The following STEAP3 variants were observed in gnomAD, a reference collection of about 807,000 sequenced individuals.
STEAP3 encodes the protein STEAP3 metalloreductase, also known as metalloreductase STEAP3.
A neutral mutation model predicts 34.9 loss-of-function variants in STEAP3; 35 were observed. The ratio of observed to expected loss-of-function variants is 1.00; its 90% CI spans 0.76 to 1.33. The LOEUF (loss-of-function observed/expected upper bound fraction) is 1.33, where lower values mean the gene tolerates loss of function less well. Among genes scored for constraint, STEAP3 ranks in the 40% most tolerant of loss-of-function variants. STEAP3 has a pLI of 0.00. For synonymous variants in STEAP3, 281 were observed against 301.6 expected (o/e 0.93, Z 0.71); for missense variants, 652 against 667.6 (o/e 0.98, Z 0.26).
chr2:119,252,565 C>T (rs1193849243), intron 4 of STEAP3, among the ~76,000 whole-genome samples: 1 of 152,190 alleles, frequency 6.6e-6, no homozygotes, highest in African/African-American at 2.4e-5. Flanking sequence ...TGTTGATGAA[C>T]ACTCTCCTTG....
At chr2:119,246,320 T>C (rs1677425386) in intron 3 of STEAP3, 2 of 290,258 alleles carry the variant, frequency 6.9e-6, no homozygotes, top group African/African-American at 2.1e-5. Context: ...ACTTGGCTTT[T>C]AGAATTGGAC....
intron 3 of STEAP3, chr2:119,246,344 A>G: frequency 3.8e-6 from 1 of 266,240 alleles, no homozygotes; most frequent in South Asian, 5.6e-5. Flanking sequence ...GAAGGAGGAA[A>G]GTAACACACT....
rs1249821779 is a variant in STEAP3, at chr2:119,245,580, C to T, written c.114C>T (p.Ala38=). 1.1e-5 allele frequency: 17 copies of T among 1,606,492 alleles called. No homozygotes were observed. Among genetic ancestry groups the T allele is most frequent in the Non-Finnish European group, 1.4e-5 (16 of 1,173,828 alleles). ...GCCTTGCCAAGGTCCCCGATGAGGC[C>T]CCCAAAGTGGGCATCCTGGGTAGCG... ...DSSLAKVPDE[A]PKVGILGSGD... Residue 38 remains alanine (A), a synonymous_variant, in exon 3 of 6, where the codon GCC becomes GCT. Transcript: ENST00000393110.
At chr2:119,245,427 G>A in intron 2 of STEAP3, 62 bp from the exon 3 acceptor site, 3 of 1,519,810 alleles carry the variant, frequency 2.0e-6, no homozygotes, top group Non-Finnish European at 2.6e-6. Flanking sequence ...TAAGAGGAGG[G>A]AGGTGGCAGA....
At chr2:119,243,284 C>T (rs997900925) in intron 2 of STEAP3, among the ~76,000 whole-genome samples, 4 of 152,180 alleles carry the variant, frequency 2.6e-5, no homozygotes, top group African/African-American at 7.2e-5. Context: ...GAGAATGCAC[C>T]CCCTTCCACC....
intron 2 of STEAP3, among the ~76,000 whole-genome samples, chr2:119,242,523 C>A (rs890445493): frequency 6.6e-6 from 1 of 152,234 alleles, no homozygotes; most frequent in Non-Finnish European, 1.5e-5. Context: ...AGCTCTTCAT[C>A]CTCCTTCCCC....
chr2:119,252,450 A>G (rs1376509734), intron 4 of STEAP3, among the ~76,000 whole-genome samples: 1 of 152,154 alleles, frequency 6.6e-6, no homozygotes, highest in East Asian at 1.9e-4. Flanking sequence ...ATCACCCACT[A>G]TGAAGACATG....
intron 4 of STEAP3, among the ~76,000 whole-genome samples, chr2:119,253,104 G>A (rs1200694513): frequency 6.6e-6 from 1 of 152,128 alleles, no homozygotes; most frequent in Non-Finnish European, 1.5e-5. Context: ...TCCAGCTAAT[G>A]GTGACTTCAA....
At chr2:119,259,237 G>A (rs746211724) in intron 5 of STEAP3, among the ~76,000 whole-genome samples, 4 of 152,172 alleles carry the variant, frequency 2.6e-5, no homozygotes, top group East Asian at 1.9e-4. Context: ...GAGCTACAAC[G>A]ACCTGGCTGT....
At chr2:119,242,302 AG>A (rs1677269511) in intron 2 of STEAP3, among the ~76,000 whole-genome samples, 2 of 152,190 alleles carry the variant, frequency 1.3e-5, no homozygotes, top group Non-Finnish European at 2.9e-5. Context: ...CCTCCCCATC[AG>A]GGCAAAACTC....
At position 119,247,723 on chromosome 2, in the gene STEAP3, G is replaced by A. The variant is rs138701354; in HGVS notation, c.567G>A (p.Ser189=). 1.9e-4 allele frequency: 294 copies of A among 1,573,432 alleles called. No homozygotes were observed. Among genetic ancestry groups the A allele is most frequent in the Admixed American group, 2.5e-4 (14 of 56,656 alleles). The stretch of plus-strand genomic sequence containing the variant: ...AGCCAGAAGCCAAGCGTGCTGTCTC[G>A]GAGATGGCGCTCGCCATGGGCTTCA... ...GDQPEAKRAV[S]EMALAMGFMP... Residue 189 remains serine (S), a synonymous_variant, in exon 4 of 6, where the codon TCG becomes TCA. Transcript: ENST00000393110.
At position 119,230,729 on chromosome 2, in the gene STEAP3, TC is replaced by T. The variant is rs946595761; in HGVS notation, c.-280del. ...ACTAATTATCACCCGTGAGGTTTCC[TC>T]CCCGAGCAGGAAGCAGCAGGCCAGA... On this transcript the variant is annotated 5_prime_UTR_variant, in exon 2 of 6. Coordinates refer to ENST00000393110, the MANE Select transcript of STEAP3 (RefSeq NM_182915.3). 20 of 544,526 alleles carry T rather than the reference TC, an allele frequency of 3.7e-5. No homozygotes were observed. The African/African-American group carries it at 3.8e-4, about 10-fold the overall frequency. The allele number at this position is 544,526 out of a possible 1,614,324, so 33.7% of individuals were successfully genotyped here. A position where few individuals can be genotyped will look rare whatever the true frequency, so the allele number is the denominator to read the frequency against.
intron 5 of STEAP3, among the ~76,000 whole-genome samples, chr2:119,257,281 G>A (rs1276745654): frequency 1.3e-5 from 2 of 152,228 alleles, no homozygotes; most frequent in Admixed American, 1.3e-4. Flanking sequence ...CCGGACAGCA[G>A]AGTAAAACAT....
intron 3 of STEAP3, chr2:119,246,578 G>C (rs1427055849): frequency 6.4e-6 from 1 of 155,186 alleles, no homozygotes; most frequent in Non-Finnish European, 1.4e-5. Context: ...CATTTTCTTG[G>C]CGAAAGAATG....
chr2:119,227,879 G>A (rs1679091358), intron 1 of STEAP3, among the ~76,000 whole-genome samples: 1 of 151,480 alleles, frequency 6.6e-6, no homozygotes, highest in African/African-American at 2.4e-5. Context: ...ACCTAGGTTG[G>A]AGTGCAGTGG....
rs760495654 is a variant in STEAP3, at chr2:119,263,255, C to T, written c.1414C>T (p.Arg472Trp). 78 of 1,613,992 alleles carry T rather than the reference C, an allele frequency of 4.8e-5. 1 individual carries two copies. Among genetic ancestry groups the T allele is most frequent in the Non-Finnish European group, 6.4e-5 (76 of 1,180,040 alleles). ...PCISRRLARI[R>W]RGWERESTIK... ...CATCAGCCGCAGACTCGCCAGGATCCGGAGAGGCTGGGAGAGGGAGAGCAC... is the reference window on the plus strand; with the variant it reads ...CATCAGCCGCAGACTCGCCAGGATCTGGAGAGGCTGGGAGAGGGAGAGCAC... The change falls in exon 6 of 6, where the codon CGG (arginine) becomes TGG (tryptophan). Residue 472 changes from arginine (R) to tryptophan (W), a missense_variant. Arg to Trp is a moderately radical substitution (Grantham distance 101, BLOSUM62 -3). Transcript: ENST00000393110.
intron 2 of STEAP3, among the ~76,000 whole-genome samples, chr2:119,237,579 C>T (rs1482366041): frequency 6.6e-6 from 1 of 152,186 alleles, no homozygotes; most frequent in Non-Finnish European, 1.5e-5. Context: ...AACCTCCAAA[C>T]CACAGCAGCC....
intron 1 of STEAP3, among the ~76,000 whole-genome samples, chr2:119,227,117 C>T (rs955263923): frequency 2.0e-5 from 3 of 152,194 alleles, no homozygotes; most frequent in East Asian, 1.9e-4. Flanking sequence ...CACAAACACC[C>T]GTGCCCTCTG....
chr2:119,238,547 A>G (rs2104805391), intron 2 of STEAP3, among the ~76,000 whole-genome samples: 1 of 152,314 alleles, frequency 6.6e-6, no homozygotes, highest in Admixed American at 6.5e-5. Flanking sequence ...CTTATCAGTT[A>G]TATGATTTCC....
Sources: allele counts gnomAD v4.1 joint callset (sites outside exome capture counted in the v4.1 genomes callset), GRCh38; gene constraint gnomAD v4.1.1; transcripts MANE v1.5; gene names NCBI Gene and HGNC (gene_info 2026-07-23, HGNC 2026-07-21).